Variants in PARP15 observed in about 807,000 individuals in gnomAD.
PARP15 encodes the protein protein mono-ADP-ribosyltransferase PARP15.
PARP15 carries 50 observed loss-of-function variants against 62.1 expected under a neutral mutation model. The observed-to-expected ratio is 0.81, with a 90% CI of 0.64 to 1.02. The LOEUF is 1.02. PARP15 is among the 50% of genes least tolerant of loss of function. The pLI is 0.00. For missense variants in PARP15, 820 were observed against 826.5 expected, an observed-to-expected ratio of 0.99 and a Z score of 0.10; for synonymous variants, 309 against 293.1, an observed-to-expected ratio of 1.05 and a Z score of -0.55.
intron 5 of PARP15, among the ~76,000 whole-genome samples, chr3:122,616,381 G>C (rs1248332078): frequency 3.4e-5 from 5 of 148,810 alleles, no homozygotes; most frequent in African/African-American, 1.2e-4. Flanking sequence ...CCAGGATGGA[G>C]TGCAGTGGCG....
intron 1 of PARP15, among the ~76,000 whole-genome samples, chr3:122,605,142 T>C (rs1935072977): frequency 2.0e-5 from 3 of 152,084 alleles, no homozygotes; most frequent in African/African-American, 7.2e-5. Context: ...TGAATCTCTC[T>C]GGGAGGCAAG....
intron 8 of PARP15, among the ~76,000 whole-genome samples, chr3:122,623,879 C>T (rs1007550427): frequency 6.6e-5 from 10 of 152,318 alleles, no homozygotes; most frequent in South Asian, 6.2e-4. Flanking sequence ...CTCAGGGGCT[C>T]ACGCCTGTAA....
At chr3:122,632,338 T>A in intron 10 of PARP15, 119 bp downstream of exon 10, 1 of 991,622 alleles carries the variant, frequency 1.0e-6, no homozygotes, top group Non-Finnish European at 1.5e-6. Context: ...TAACTGGAAT[T>A]AGACTTACTC....
chr3:122,591,897 C>T (rs1263606829), intron 1 of PARP15, among the ~76,000 whole-genome samples: 1 of 151,992 alleles, frequency 6.6e-6, no homozygotes, highest in Non-Finnish European at 1.5e-5. Context: ...GAGATACCAT[C>T]TCACGCCAAT....
In PARP15 at chr3:122,577,713, G is replaced by A. The variant is rs2080705393; in HGVS notation, c.46G>A (p.Ala16Thr). ...PLPAAALSPG[A>T]PTPRELMHGV... is the part of the protein sequence containing the mutation. ...TCCTGCCGCTGCTCTGAGTCCAGGGGCTCCGACCCCCAGAGAACTTATGCA... is the reference window on the plus strand; with the variant it reads ...TCCTGCCGCTGCTCTGAGTCCAGGGACTCCGACCCCCAGAGAACTTATGCA... The change falls in exon 1 of 12, where the codon GCT becomes ACT. Residue 16 changes from alanine to threonine, a missense_variant. This residue lies in a region of PARP15 where 731 missense variants were observed against 727.7 expected (regional missense o/e 1.00). Transcript: ENST00000464300. 2 of 1,551,574 alleles carry A rather than the reference G, an allele frequency of 1.3e-6. No homozygotes were observed. Among genetic ancestry groups the A allele is most frequent in the Admixed American group, 2.0e-5 (1 of 50,980 alleles).
chr3:122,614,701 A>G (rs979686000), intron 4 of PARP15, among the ~76,000 whole-genome samples: 15 of 152,156 alleles, frequency 9.9e-5, no homozygotes, highest in South Asian at 6.2e-4. Flanking sequence ...AGCAATCTGG[A>G]AAGTAACTGC....
At chr3:122,579,838 G>C (rs974789096) in intron 1 of PARP15, among the ~76,000 whole-genome samples, 1 of 151,002 alleles carries the variant, frequency 6.6e-6, no homozygotes, top group Non-Finnish European at 1.5e-5. Flanking sequence ...AATTAGCCAG[G>C]CATGGTGGCA....
chr3:122,589,950 A>G lies in PARP15; in HGVS notation c.186+12097A>G, dbSNP rs370826578. ...TCTGTCCCTGGGGTGCAGTGGCACA[A>G]TCTTGGCTCACTGCAAGCTCTGTGT... On this transcript the variant is annotated intron_variant, in intron 1 of 11. Coordinates refer to ENST00000464300, the MANE Select transcript of PARP15 (RefSeq NM_001113523.3). Among the ~76,000 whole-genome samples, 111 of 144,372 alleles carry G rather than the reference A, an allele frequency of 7.7e-4. 1 individual carries two copies. The South Asian group carries it at 0.023, about 30-fold the overall frequency. The allele number at this position is 144,372 out of a possible 152,430, so 94.7% of individuals were successfully genotyped here.
chr3:122,587,898 A>T (rs1378630755), intron 1 of PARP15, among the ~76,000 whole-genome samples: 2 of 152,200 alleles, frequency 1.3e-5, no homozygotes, highest in African/African-American at 2.4e-5. Context: ...CTGTCTGTAT[A>T]TCCTCCTTGG....
At chr3:122,629,823 C>G (rs1936959496) in intron 9 of PARP15, among the ~76,000 whole-genome samples, 1 of 152,146 alleles carries the variant, frequency 6.6e-6, no homozygotes, top group Non-Finnish European at 1.5e-5. Flanking sequence ...ACCTAGATCC[C>G]TTGCATGCAC....
At chr3:122,611,889 T>A (rs1389386978) in intron 3 of PARP15, among the ~76,000 whole-genome samples, 1 of 151,326 alleles carries the variant, frequency 6.6e-6, no homozygotes, top group Non-Finnish European at 1.5e-5. Context: ...TAATTTTGTA[T>A]TTTTAGTAGA....
intron 5 of PARP15, among the ~76,000 whole-genome samples, chr3:122,616,357 T>G: frequency 7.2e-6 from 1 of 138,104 alleles, no homozygotes; most frequent in African/African-American, 2.8e-5. Context: ...TGAGATGGAG[T>G]CTTGCTCTGT....
chr3:122,615,364 C>A, intron 4 of PARP15: 1 of 1,294,294 alleles, frequency 7.7e-7, no homozygotes, highest in East Asian at 5.5e-5. Context: ...ACCTAACAGC[C>A]AAAGATGCCA....
chr3:122,584,709 C>G (rs1933278384), intron 1 of PARP15, among the ~76,000 whole-genome samples: 2 of 151,776 alleles, frequency 1.3e-5, no homozygotes, highest in South Asian at 4.2e-4. Context: ...TCCCAAGTAT[C>G]TGGGATTACA....
intron 1 of PARP15, among the ~76,000 whole-genome samples, chr3:122,603,704 A>G (rs766993005): frequency 6.6e-6 from 1 of 152,178 alleles, no homozygotes; most frequent in African/African-American, 2.4e-5. Context: ...CTCTCACCCA[A>G]AGTATTCTCT....
intron 1 of PARP15, among the ~76,000 whole-genome samples, chr3:122,586,764 G>A (rs902053371): frequency 6.7e-6 from 1 of 149,996 alleles, no homozygotes; most frequent in African/African-American, 2.5e-5. Context: ...GCGCCAGAGT[G>A]GTACATTTGT....
In PARP15 at chr3:122,577,710, G is replaced by A; in HGVS notation, c.43G>A (p.Gly15Arg). The change falls in exon 1 of 12, where the codon GGG (glycine) becomes AGG (arginine). Residue 15 changes from glycine (G) to arginine (R), a missense_variant. Gly to Arg is a moderately radical substitution (Grantham distance 125, BLOSUM62 -2). Transcript: ENST00000464300. ...GPLPAAALSP[G>R]APTPRELMHG... ...CCTTCCTGCCGCTGCTCTGAGTCCA[G>A]GGGCTCCGACCCCCAGAGAACTTAT... The A allele has an allele frequency of 6.4e-7, 1 of 1,551,694 alleles. No individual in the cohort carries two copies. Among genetic ancestry groups the A allele is most frequent in the Non-Finnish European group, 8.7e-7 (1 of 1,146,984 alleles).
intron 5 of PARP15, among the ~76,000 whole-genome samples, chr3:122,616,462 TG>T (rs1935979797): frequency 6.6e-6 from 1 of 151,744 alleles, no homozygotes; most frequent in African/African-American, 2.4e-5. Flanking sequence ...CCCGAGTAGC[TG>T]GGATGACAGG....
chr3:122,617,254 G>A (rs962787355), intron 6 of PARP15, 90 bp downstream of exon 6: 229 of 1,333,950 alleles, frequency 1.7e-4, no homozygotes, highest in Middle Eastern at 2.2e-4. Context: ...AGTGGACAGA[G>A]AGTGTTGTAG....
Sources: allele counts gnomAD v4.1 joint callset (sites outside exome capture counted in the v4.1 genomes callset), GRCh38; gene constraint gnomAD v4.1.1; regional missense constraint gnomAD v4.1.1; transcripts MANE v1.5; gene names NCBI Gene and HGNC (gene_info 2026-07-23, HGNC 2026-07-21).